The following PTPN7 variants were observed in gnomAD, a reference collection of about 807,000 sequenced individuals.
PTPN7 encodes tyrosine-protein phosphatase non-receptor type 7.
In PTPN7, 33 loss-of-function variants were observed where a neutral mutation model predicts 50.3. That is an observed-to-expected ratio of 0.66 (90% CI 0.50 to 0.88). The LOEUF (loss-of-function observed/expected upper bound fraction) is 0.88, where lower values mean the gene tolerates loss of function less well. PTPN7 is among the 40% of genes least tolerant of loss of function. The probability of loss-of-function intolerance (pLI) is 0.00; values close to 1 mark genes in which losing one functional copy is unlikely to be tolerated. For missense variants in PTPN7, 412 were observed against 475.4 expected (o/e 0.87, Z 1.24); for synonymous variants, 185 against 186.6 (o/e 0.99, Z 0.07).
chr1:202,150,280 T>C (rs1287562874), intron 9 of PTPN7, 31 bp downstream of exon 9: 4 of 1,554,800 alleles, frequency 2.6e-6, no homozygotes, highest in Non-Finnish European at 3.5e-6. Flanking sequence ...TCCGTTAACG[T>C]TGTTGGCCTT....
rs1297124637 is a variant in PTPN7 at position 202,158,216 on chromosome 1, C to T, written c.208G>A (p.Val70Ile). 3 of 1,614,092 alleles carry T rather than the reference C, an allele frequency of 1.9e-6. No individual in the cohort carries two copies. The highest frequency in any genetic ancestry group is 2.7e-5 in the African/African-American group (2 of 75,034). Residue 70 changes from valine (V) to isoleucine (I), a missense_variant, in exon 3 of 10, where the codon GTC (valine) becomes ATC (isoleucine). Val to Ile is a conservative substitution (Grantham distance 29). Coordinates refer to ENST00000691036, the MANE Select transcript of PTPN7 (RefSeq NM_002832.4). Reference sequence around the variant, plus strand: ...GCAGTGCGCAGAAAGTGTAGGGTGACCTCCCGGGGTGTGTTCACAGAGCAG... The same window carrying T: ...GCAGTGCGCAGAAAGTGTAGGGTGATCTCCCGGGGTGTGTTCACAGAGCAG... Reference protein sequence around the residue: ...PICSVNTPREVTLHFLRTAGH... With the variant: ...PICSVNTPREITLHFLRTAGH...
chr1:202,153,516 C>G (rs1656280322), intron 7 of PTPN7, among the ~76,000 whole-genome samples: 1 of 152,218 alleles, frequency 6.6e-6, no homozygotes, highest in Non-Finnish European at 1.5e-5. Context: ...TGGGTGAGTA[C>G]TTCCCGGTAG....
intron 8 of PTPN7, among the ~76,000 whole-genome samples, chr1:202,151,515 G>A (rs561002466): frequency 4.2e-5 from 6 of 143,360 alleles, no homozygotes; most frequent in South Asian, 4.6e-4. Flanking sequence ...ATCACATTGC[G>A]TGGTATTTAA....
intron 7 of PTPN7, 100 bp from the exon 8 acceptor site, chr1:202,152,799 T>TA: frequency 7.3e-7 from 1 of 1,373,338 alleles, no homozygotes; most frequent in East Asian, 2.3e-5. Flanking sequence ...AATTACCCTG[T>TA]GGGGGGGTCA....
Position 202,159,465 on chromosome 1 carries a change from G to C in PTPN7, c.-52-11C>G, listed in dbSNP as rs1185572352. ...AGCCATGAGGTCTGCCTGAAAGACA[G>C]GGCCCTCCGCTGCTGTTCTCTGGCC... On this transcript the variant is annotated splice_polypyrimidine_tract_variant and intron_variant, in intron 1 of 9. Transcript: ENST00000691036. This position sits in a 1 kb window ranked among gnomAD's most constrained non-coding sequence, Gnocchi z 4.6. 6.2e-7 allele frequency: 1 copy of C among 1,608,820 alleles called. No individual in the cohort carries two copies. Among genetic ancestry groups the C allele is most frequent in the African/African-American group, 1.3e-5 (1 of 74,852 alleles).
chr1:202,161,255 G>C, upstream of PTPN7: 1 of 1,134,468 alleles, frequency 8.8e-7, no homozygotes, highest in Non-Finnish European at 1.1e-6. Flanking sequence ...CCCACGGCCT[G>C]AGTGTAGGCC....
At chr1:202,160,940 C>A, upstream of PTPN7, 2 of 1,431,614 alleles carry the variant, frequency 1.4e-6, no homozygotes, top group African/African-American at 2.9e-5. The surrounding 1 kb of genome is among the most constrained non-coding windows in gnomAD (Gnocchi z 4.8). Flanking sequence ...CCACAAAGAA[C>A]CCAAGGCTCT....
At chr1:202,161,066 T>C, upstream of PTPN7, 1 of 1,373,500 alleles carries the variant, frequency 7.3e-7, no homozygotes, top group Non-Finnish European at 9.4e-7. Flanking sequence ...CCTTGCTGCT[T>C]CAAGCCTTGG....
At chr1:202,156,847 G>C (rs961233049) in intron 4 of PTPN7, among the ~76,000 whole-genome samples, 1 of 152,144 alleles carries the variant, frequency 6.6e-6, no homozygotes, top group African/African-American at 2.4e-5. Context: ...GAGAGGCTCC[G>C]GGGCCTCATG....
chr1:202,160,845 T>TAA, upstream of PTPN7: 1 of 1,507,732 alleles, frequency 6.6e-7, no homozygotes, highest in Non-Finnish European at 8.9e-7. The surrounding 1 kb of genome is among the most constrained non-coding windows in gnomAD (Gnocchi z 4.8). Flanking sequence ...TCCCCTCTTC[T>TAA]GTGTTTCTCC....
intron 2 of PTPN7, chr1:202,158,703 C>T (rs946536899): frequency 1.7e-5 from 3 of 174,652 alleles, no homozygotes; most frequent in Non-Finnish European, 3.6e-5. Flanking sequence ...TGTTATAAGG[C>T]ACCTCTGAGG....
Position 202,159,240 on chromosome 1 carries a change from G to T in PTPN7, c.122+41C>A. The T allele has an allele frequency of 6.3e-7, 1 of 1,587,602 alleles. No individual in the cohort carries two copies. The highest frequency in any genetic ancestry group is 8.6e-7 in the Non-Finnish European group (1 of 1,158,236). ...GAAGGAAGGGAGGAGCGGAATGGGGGCTCAGGGCTCGGAAGACCCCTCCCC... is the reference window on the plus strand; with the variant it reads ...GAAGGAAGGGAGGAGCGGAATGGGGTCTCAGGGCTCGGAAGACCCCTCCCC... On this transcript the variant is annotated intron_variant, in intron 2 of 9. Coordinates refer to ENST00000691036, the MANE Select transcript of PTPN7 (RefSeq NM_002832.4). This position sits in a 1 kb window ranked among gnomAD's most constrained non-coding sequence, Gnocchi z 4.6.
intron 5 of PTPN7, among the ~76,000 whole-genome samples, chr1:202,155,205 A>G (rs1656518537): frequency 6.6e-6 from 1 of 152,174 alleles, no homozygotes; most frequent in South Asian, 2.1e-4. Context: ...AGTTCTCGGG[A>G]GCTGTGAGCT....
chr1:202,152,725 C>T (rs1308063348), intron 7 of PTPN7, 26 bp from the exon 8 acceptor site: 6 of 1,611,930 alleles, frequency 3.7e-6, no homozygotes, highest in Non-Finnish European at 5.1e-6. Flanking sequence ...GGCATGAGAA[C>T]CAAGGTCAGG....
At chr1:202,149,668 G>T (rs1655705986) in intron 9 of PTPN7, among the ~76,000 whole-genome samples, 1 of 151,968 alleles carries the variant, frequency 6.6e-6, no homozygotes, top group South Asian at 2.1e-4. Context: ...AGAAATGGGG[G>T]CTCAGAGAAA....
rs750791013 is a variant in PTPN7, at chr1:202,157,733, T to G, written c.391+6A>C. On this transcript the variant is annotated splice_donor_region_variant and intron_variant, in intron 4 of 9. Coordinates refer to ENST00000691036, the MANE Select transcript of PTPN7 (RefSeq NM_002832.4). Reference sequence around the variant, plus strand: ...CGACTCCCTTCATCCCAGCAGCAGTTCTTACTTGGCAAGATGGTCTTGTAT... The same window carrying G: ...CGACTCCCTTCATCCCAGCAGCAGTGCTTACTTGGCAAGATGGTCTTGTAT... The G allele has an allele frequency of 1.2e-6, 2 of 1,610,838 alleles. No homozygotes were observed. Among genetic ancestry groups the G allele is most frequent in the East Asian group, 4.5e-5 (2 of 44,864 alleles).
chr1:202,150,540 G>A (rs1655888606), intron 8 of PTPN7, 116 bp from the exon 9 acceptor site: 1 of 764,328 alleles, frequency 1.3e-6, no homozygotes, highest in East Asian at 2.7e-5. Flanking sequence ...TTGGGGATAG[G>A]GCTCTGGAGA....
chr1:202,152,275 T>C (rs1656090634), intron 8 of PTPN7, among the ~76,000 whole-genome samples: 1 of 152,256 alleles, frequency 6.6e-6, no homozygotes, highest in Non-Finnish European at 1.5e-5. Context: ...GCTGGAATCC[T>C]GTTTATGTCC....
intron 8 of PTPN7, among the ~76,000 whole-genome samples, chr1:202,151,604 A>G (rs1228597020): frequency 6.6e-6 from 1 of 151,838 alleles, no homozygotes; most frequent in Non-Finnish European, 1.5e-5. Flanking sequence ...CACAACCTCC[A>G]CCTCCTGGGT....
Sources: allele counts gnomAD v4.1 joint callset (sites outside exome capture counted in the v4.1 genomes callset), GRCh38; gene constraint gnomAD v4.1.1; non-coding constraint Gnocchi (gnomAD v3.1); transcripts MANE v1.5; gene names NCBI Gene and HGNC (gene_info 2026-07-23, HGNC 2026-07-21).